The following DLGAP2 variants were observed in gnomAD, a reference collection of about 807,000 sequenced individuals.
The protein encoded by DLGAP2 is DLG associated protein 2.
A neutral mutation model predicts 100.3 loss-of-function variants in DLGAP2; 26 were observed. The ratio of observed to expected loss-of-function variants is 0.26; its 90% confidence interval spans 0.19 to 0.36. DLGAP2 has a LOEUF of 0.36. DLGAP2 is among the 10% of genes least tolerant of loss of function. The probability of loss-of-function intolerance (pLI) is 1.00; values close to 1 mark genes in which losing one functional copy is unlikely to be tolerated. For missense variants in DLGAP2, 1,858 were observed against 1,453.2 expected (o/e 1.28, Z -4.53); for synonymous variants, 886 against 630.1 (o/e 1.41, Z -6.08).
chr8:824,251 T>G (rs1438208408), intron 1 of DLGAP2, among the ~76,000 whole-genome samples: 1 of 151,898 alleles, frequency 6.6e-6, no homozygotes, highest in Non-Finnish European at 1.5e-5. Context: ...ATTTTTGTAT[T>G]TTTTTGTAGA....
intron 3 of DLGAP2, among the ~76,000 whole-genome samples, chr8:1,438,820 A>C (rs1353921409): frequency 6.6e-6 from 1 of 152,218 alleles, no homozygotes; most frequent in African/African-American, 2.4e-5. Flanking sequence ...GCCATCCACA[A>C]ATGTTTCCTG....
At chr8:1,263,289 A>T (rs187347576) in intron 3 of DLGAP2, among the ~76,000 whole-genome samples, 30 of 152,344 alleles carry the variant, frequency 2.0e-4, no homozygotes, top group Admixed American at 3.3e-4. Flanking sequence ...TCTTAAAAAA[A>T]CTAAGTAGTT....
chr8:855,361 C>G (rs1797258102), intron 1 of DLGAP2, among the ~76,000 whole-genome samples: 1 of 152,112 alleles, frequency 6.6e-6, no homozygotes, highest in Non-Finnish European at 1.5e-5. Flanking sequence ...TCTGTGCTCC[C>G]CACTCAACAC....
intron 2 of DLGAP2, among the ~76,000 whole-genome samples, chr8:980,214 C>T (rs373661562): frequency 2.0e-5 from 3 of 152,114 alleles, no homozygotes; most frequent in Admixed American, 6.5e-5. Context: ...AAATCATCTG[C>T]GTGGACATTG....
At chr8:812,663 A>G (rs887336273) in intron 1 of DLGAP2, among the ~76,000 whole-genome samples, 24 of 152,244 alleles carry the variant, frequency 1.6e-4, no homozygotes, top group African/African-American at 5.8e-4. Context: ...AGATGAAATT[A>G]TTAGCTACAG....
intron 4 of DLGAP2, among the ~76,000 whole-genome samples, chr8:1,531,544 G>A (rs187995348): frequency 8.5e-5 from 13 of 152,144 alleles, no homozygotes; most frequent in African/African-American, 3.1e-4. Flanking sequence ...TTATTTACAG[G>A]AATCTTTTAA....
intron 10 of DLGAP2, among the ~76,000 whole-genome samples, chr8:1,670,767 A>T (rs1798671756): frequency 6.6e-6 from 1 of 152,188 alleles, no homozygotes; most frequent in South Asian, 2.1e-4. Flanking sequence ...AAAGGAAGTG[A>T]ATTGAAAAGC....
intron 4 of DLGAP2, among the ~76,000 whole-genome samples, chr8:1,504,558 A>C (rs185569593): frequency 6.6e-6 from 1 of 151,582 alleles, no homozygotes; most frequent in African/African-American, 2.4e-5. Context: ...GTTCCCCCCA[A>C]CCCTCTCTCT....
At chr8:1,678,786 A>G in intron 12 of DLGAP2, 157 bp downstream of exon 12, 1 of 807,204 alleles carries the variant, frequency 1.2e-6, no homozygotes, top group South Asian at 3.2e-5. Flanking sequence ...TTCTAAGAAA[A>G]GATATAAATT....
At chr8:1,131,481 C>T (rs186616889) in intron 2 of DLGAP2, among the ~76,000 whole-genome samples, 1 of 152,262 alleles carries the variant, frequency 6.6e-6, no homozygotes, top group East Asian at 1.9e-4. Context: ...AGTGGCTCAT[C>T]CCACCTTGGG....
chr8:1,222,286 G>A (rs1276679001), intron 2 of DLGAP2, among the ~76,000 whole-genome samples: 1 of 152,186 alleles, frequency 6.6e-6, no homozygotes, highest in Non-Finnish European at 1.5e-5. Flanking sequence ...GCCCTTGCGA[G>A]TTTGACTGTG....
chr8:1,524,713 G>A (rs1446099928), intron 4 of DLGAP2, among the ~76,000 whole-genome samples: 2 of 152,090 alleles, frequency 1.3e-5, no homozygotes, highest in Non-Finnish European at 2.9e-5. Flanking sequence ...AAGGGTACAA[G>A]TGACGTCACA....
chr8:1,641,882 C>T (rs543874637), intron 8 of DLGAP2, among the ~76,000 whole-genome samples: 20 of 127,212 alleles, frequency 1.6e-4, no homozygotes, highest in Admixed American at 5.5e-4. Context: ...TCGAACCCGC[C>T]GGTCCTCACC....
chr8:1,047,521 C>A (rs1341328442), intron 2 of DLGAP2, among the ~76,000 whole-genome samples: 2 of 152,186 alleles, frequency 1.3e-5, no homozygotes, highest in African/African-American at 4.8e-5. Flanking sequence ...TGCACTCAGA[C>A]TGCTGCCACA....
chr8:1,040,779 T>C (rs914400848), intron 2 of DLGAP2, among the ~76,000 whole-genome samples: 1 of 152,140 alleles, frequency 6.6e-6, no homozygotes, highest in African/African-American at 2.4e-5. Context: ...CTTTGGGCTG[T>C]GAAAATGCAG....
intron 1 of DLGAP2, among the ~76,000 whole-genome samples, chr8:821,012 C>G (rs915486762): frequency 6.6e-6 from 1 of 152,154 alleles, no homozygotes; most frequent in Admixed American, 6.5e-5. Flanking sequence ...TTTAGACTGA[C>G]AGTCACATAA....
chr8:1,510,138 G>A (rs1473141985), intron 4 of DLGAP2, among the ~76,000 whole-genome samples: 2 of 152,198 alleles, frequency 1.3e-5, no homozygotes, highest in Admixed American at 6.5e-5. Flanking sequence ...GCACGCTCCC[G>A]TGCAAATGGG....
At chr8:1,198,169 T>G (rs896467712) in intron 2 of DLGAP2, among the ~76,000 whole-genome samples, 1 of 152,016 alleles carries the variant, frequency 6.6e-6, no homozygotes, top group Non-Finnish European at 1.5e-5. Flanking sequence ...CCCTCCGGTG[T>G]GGTGCTGGGC....
chr8:1,550,456 G>C lies in DLGAP2; in HGVS notation c.1230+773G>C, dbSNP rs143662440. Among the ~76,000 whole-genome samples the C allele has an allele frequency of 7.9e-5, 12 of 152,194 alleles. No individual in the cohort carries two copies. The East Asian group carries it at 2.1e-3, about 27-fold the overall frequency. Reference sequence around the variant, plus strand: ...TCTTTAAGGCCTCTAAGGCTGGAGGGTTTAACAACCACAGCAAACACAGAC... The same window carrying C: ...TCTTTAAGGCCTCTAAGGCTGGAGGCTTTAACAACCACAGCAAACACAGAC... On this transcript the variant is annotated intron_variant, in intron 5 of 14. Transcript: ENST00000637795.
Sources: gnomAD v4.1 joint callset for allele counts (sites outside exome capture counted in the v4.1 genomes callset) on GRCh38, gnomAD v4.1.1 for gene constraint, MANE v1.5 for transcripts, NCBI Gene and HGNC (gene_info 2026-07-23, HGNC 2026-07-21) for gene names.